ST8SIA6: variants seen among roughly 807,000 people sequenced by gnomAD.
The protein encoded by ST8SIA6 is alpha-2,8-sialyltransferase 8F.
A neutral mutation model predicts 33.6 loss-of-function variants in ST8SIA6; 39 were observed. The ratio of observed to expected loss-of-function variants is 1.16; its 90% CI spans 0.90 to 1.52. The LOEUF is 1.52. ST8SIA6 is among the 40% of genes most tolerant of loss of function. The pLI is 0.00. For missense variants in ST8SIA6, 441 were observed against 443.8 expected, an observed-to-expected ratio of 0.99 and a Z score of 0.06; for synonymous variants, 172 against 167.2, an observed-to-expected ratio of 1.03 and a Z score of -0.22.
intron 2 of ST8SIA6, among the ~76,000 whole-genome samples, chr10:17,425,363 G>A (rs915026342): frequency 1.3e-5 from 2 of 152,034 alleles, no homozygotes; most frequent in African/African-American, 4.8e-5. Context: ...GAGATCAAGA[G>A]TTCAAGACCA....
intron 6 of ST8SIA6, among the ~76,000 whole-genome samples, chr10:17,326,484 G>T (rs1213800765): frequency 1.3e-5 from 2 of 152,140 alleles, no homozygotes; most frequent in Non-Finnish European, 2.9e-5. Flanking sequence ...TAAAAGACCA[G>T]AACTTAGAAG....
Position 17,454,222 on chromosome 10 carries a change from C to T in ST8SIA6, c.34G>A (p.Ala12Thr), listed in dbSNP as rs1455375138. 2 of 261,582 alleles carry T rather than the reference C, an allele frequency of 7.6e-6. No individual in the cohort carries two copies. The highest frequency in any genetic ancestry group is 1.4e-5 in the Non-Finnish European group (2 of 140,772). The allele number at this position is 261,582 out of a possible 1,614,324, so 16.2% of individuals were successfully genotyped here. A position where few individuals can be genotyped will look rare whatever the true frequency, so the allele number is the denominator to read the frequency against. ...AGCAGCAGCAGCAGCAGCAGGCTGG[C>T]GAGCAGGGCGAGCAGTGCGCCCCCC... ...RPGGALLALLASLLLLLLLRL... is the reference protein window; with the variant it reads ...RPGGALLALLTSLLLLLLLRL... The change falls in exon 1 of 8, where the codon GCC (alanine) becomes ACC (threonine). Residue 12 changes from alanine to threonine, a missense_variant. Ala to Thr is a moderately conservative substitution (Grantham distance 58, BLOSUM62 0). Transcript: ENST00000377602. The surrounding 1 kb of genome is among the most constrained non-coding windows in gnomAD (Gnocchi z 4.1).
intron 4 of ST8SIA6, among the ~76,000 whole-genome samples, chr10:17,358,144 T>A (rs557175727): frequency 6.6e-6 from 1 of 152,328 alleles, no homozygotes; most frequent in South Asian, 2.1e-4. Flanking sequence ...CAGGAAGTCA[T>A]GATATCCATG....
intron 3 of ST8SIA6, among the ~76,000 whole-genome samples, chr10:17,361,913 C>A (rs1342771580): frequency 6.6e-6 from 1 of 152,028 alleles, no homozygotes; most frequent in Non-Finnish European, 1.5e-5. Flanking sequence ...TTAAAAAGCA[C>A]AAATAATAAT....
rs77690919 is a variant in ST8SIA6, at chr10:17,343,839, C to T, written c.378-12287G>A. Reference sequence around the variant, plus strand: ...TCAGATAGGAGCATAAAAAGGGAAACGTATTTGAAGCTCATGTCTATAGAT... The same window carrying T: ...TCAGATAGGAGCATAAAAAGGGAAATGTATTTGAAGCTCATGTCTATAGAT... On this transcript the variant is annotated intron_variant, in intron 4 of 7. Coordinates refer to ENST00000377602, the MANE Select transcript of ST8SIA6 (RefSeq NM_001004470.3). 4.2e-3 allele frequency among the ~76,000 whole-genome samples: 644 copies of T among 152,172 alleles called. 20 individuals are homozygous for T. The East Asian group carries it at 0.073, about 17-fold the overall frequency.
At chr10:17,427,747 T>TGA (rs1851982948) in intron 2 of ST8SIA6, among the ~76,000 whole-genome samples, 2 of 152,192 alleles carry the variant, frequency 1.3e-5, no homozygotes, top group Non-Finnish European at 2.9e-5. Context: ...AAAAAGACAA[T>TGA]ATTGAGAACT....
chr10:17,438,021 G>A (rs1852345029), intron 2 of ST8SIA6, among the ~76,000 whole-genome samples: 1 of 152,072 alleles, frequency 6.6e-6, no homozygotes, highest in Non-Finnish European at 1.5e-5. Context: ...GAGCCACCAT[G>A]CCTGGCCATG....
At chr10:17,335,535 T>A (rs1848471729) in intron 4 of ST8SIA6, among the ~76,000 whole-genome samples, 1 of 152,208 alleles carries the variant, frequency 6.6e-6, no homozygotes, top group Admixed American at 6.5e-5. Flanking sequence ...CAGTTAAATA[T>A]GTTAAAATAT....
intron 2 of ST8SIA6, chr10:17,410,182 CAA>C (rs1851407209): frequency 6.6e-6 from 1 of 152,104 alleles, no homozygotes; most frequent in Non-Finnish European, 1.5e-5. Context: ...GTCATCAGAA[CAA>C]AGATTAGTGC....
Position 17,322,217 on chromosome 10 carries a change from GAAAA to G in ST8SIA6, c.728+844_728+847del, listed in dbSNP as rs752301666. Among the ~76,000 whole-genome samples, 17 of 132,132 alleles carry G rather than the reference GAAAA, an allele frequency of 1.3e-4. No individual in the cohort carries two copies. In the South Asian group the frequency reaches 3.9e-3, roughly 30 times the overall value. The allele number at this position is 132,132 out of a possible 152,430, so 86.7% of individuals were successfully genotyped here. A position where few individuals can be genotyped will look rare whatever the true frequency, so the allele number is the denominator to read the frequency against. On this transcript the variant is annotated intron_variant, in intron 7 of 7. Coordinates refer to ENST00000377602, the MANE Select transcript of ST8SIA6 (RefSeq NM_001004470.3). ...GAGACAGAAAGGAAAGAAAGAGAAAGAAAAGAAAGAAAGAAAAAGAAAGAGAAAA... is the reference window on the plus strand; with the variant it reads ...GAGACAGAAAGGAAAGAAAGAGAAAGGAAAGAAAGAAAAAGAAAGAGAAAA...
At position 17,454,290 on chromosome 10, in the gene ST8SIA6, C is replaced by A. The variant is rs1402007390; in HGVS notation, c.-35G>T. The A allele has an allele frequency of 1.1e-4, 21 of 193,488 alleles. No homozygotes were observed. Among genetic ancestry groups the A allele is most frequent in the Non-Finnish European group, 1.9e-4 (18 of 97,158 alleles). The allele number at this position is 193,488 out of a possible 1,614,324, so 12.0% of individuals were successfully genotyped here. On this transcript the variant is annotated 5_prime_UTR_variant, in exon 1 of 8. Transcript: ENST00000377602. The surrounding 1 kb of genome is among the most constrained non-coding windows in gnomAD (Gnocchi z 4.1). Reference sequence around the variant, plus strand: ...CAGGCGCCGCCGCCACCGCTGCTGCCGGGGCGAAGCACAGCCCGGGCGGCC... The same window carrying A: ...CAGGCGCCGCCGCCACCGCTGCTGCAGGGGCGAAGCACAGCCCGGGCGGCC...
chr10:17,404,980 ACT>A (rs1200190377), intron 2 of ST8SIA6, among the ~76,000 whole-genome samples: 1 of 151,560 alleles, frequency 6.6e-6, no homozygotes, highest in Non-Finnish European at 1.5e-5. Context: ...GGGAGAGGCA[ACT>A]CTCCCTCTCC....
intron 4 of ST8SIA6, among the ~76,000 whole-genome samples, chr10:17,337,548 GC>G (rs1179087408): frequency 2.6e-5 from 4 of 152,210 alleles, no homozygotes; most frequent in Non-Finnish European, 5.9e-5. Flanking sequence ...GACTTTTCCA[GC>G]TTTTGTGTGC....
intron 7 of ST8SIA6, 128 bp downstream of exon 7, chr10:17,322,937 T>TA: frequency 1.3e-6 from 1 of 743,804 alleles, no homozygotes; most frequent in Middle Eastern, 3.7e-4. Context: ...TTCTTATATA[T>TA]TTTTCCAAAA....
In ST8SIA6 at chr10:17,318,625, A is replaced by AGCAAT; in HGVS notation, c.*2248_*2252dup. On this transcript the variant is annotated 3_prime_UTR_variant, in exon 8 of 8. Coordinates refer to ENST00000377602, the MANE Select transcript of ST8SIA6 (RefSeq NM_001004470.3). ...ATCACATTAGATCTAACAATATTTA[A>AGCAAT]GCAATGCTGATTACATACAGATTTC... 2.1e-6 allele frequency: 1 copy of AGCAAT among 465,802 alleles called. No homozygotes were observed. The highest frequency in any genetic ancestry group is 7.0e-5 in the East Asian group (1 of 14,382). The allele number at this position is 465,802 out of a possible 1,614,324, so 28.9% of individuals were successfully genotyped here.
intron 2 of ST8SIA6, among the ~76,000 whole-genome samples, chr10:17,436,520 C>CCCCCCCCCCCCCCCG (rs1852262508): frequency 8.7e-6 from 1 of 115,316 alleles, no homozygotes. Context: ...TATCCCTCCC[C>CCCCCCCCCCCCCCCG]CCTCCCCCCA....
At chr10:17,407,365 C>T (rs563742074) in intron 2 of ST8SIA6, among the ~76,000 whole-genome samples, 2 of 152,166 alleles carry the variant, frequency 1.3e-5, no homozygotes, top group East Asian at 3.9e-4. Context: ...GTGACACTTG[C>T]CATCAGAGGG....
chr10:17,418,011 T>C (rs1415831721), intron 2 of ST8SIA6, among the ~76,000 whole-genome samples: 1 of 152,112 alleles, frequency 6.6e-6, no homozygotes, highest in African/African-American at 2.4e-5. Flanking sequence ...AAACTTGAGT[T>C]TGGGAGAGGG....
intron 3 of ST8SIA6, among the ~76,000 whole-genome samples, chr10:17,367,032 A>T (rs1181414405): frequency 1.3e-5 from 2 of 152,206 alleles, no homozygotes; most frequent in African/African-American, 2.4e-5. Flanking sequence ...AGTTCTCAGC[A>T]TTATTTTGGG....
Sources: gnomAD v4.1 joint callset for allele counts (sites outside exome capture counted in the v4.1 genomes callset) on GRCh38, gnomAD v4.1.1 for gene constraint, Gnocchi (gnomAD v3.1) non-coding constraint, MANE v1.5 for transcripts, NCBI Gene and HGNC (gene_info 2026-07-23, HGNC 2026-07-21) for gene names.